Variants in FRMD3 observed in about 807,000 individuals in gnomAD.
FRMD3 encodes FERM domain containing 3.
A neutral mutation model predicts 70.2 loss-of-function variants in FRMD3; 33 were observed. The observed-to-expected ratio is 0.47, with a 90% confidence interval of 0.36 to 0.63. The LOEUF is 0.63. Ranked by LOEUF, FRMD3 falls within the 20% of genes least tolerant of loss-of-function variation. The pLI, the probability that FRMD3 is intolerant of heterozygous loss-of-function variation, is 0.00. For synonymous variants in FRMD3, 279 were observed against 255.9 expected (o/e 1.09, Z -0.86); for missense variants, 632 against 711.4 (o/e 0.89, Z 1.27).
intron 1 of FRMD3, among the ~76,000 whole-genome samples, chr9:83,414,646 GACAAACAACCCAATTT>G (rs1347903210): frequency 6.6e-6 from 1 of 152,154 alleles, no homozygotes; most frequent in South Asian, 2.1e-4. Flanking sequence ...TAAGCAGAAA[GACAAACAACCCAATTT>G]AAAAATGAGC....
At chr9:83,283,979 G>T (rs548271003) in intron 13 of FRMD3, among the ~76,000 whole-genome samples, 2 of 151,482 alleles carry the variant, frequency 1.3e-5, no homozygotes, top group Admixed American at 6.6e-5. Context: ...CTGGATAACT[G>T]CAACTGCATT....
chr9:83,351,671 A>ATGAT (rs1250788771), intron 3 of FRMD3, among the ~76,000 whole-genome samples: 5 of 141,892 alleles, frequency 3.5e-5, no homozygotes, highest in Admixed American at 7.2e-5. Context: ...AGGTAGATAG[A>ATGAT]TGATTGATAG....
chr9:83,353,086 A>G (rs1020471517), intron 3 of FRMD3, among the ~76,000 whole-genome samples: 2 of 152,126 alleles, frequency 1.3e-5, no homozygotes, highest in African/African-American at 4.8e-5. Context: ...TTCTACCATC[A>G]TATATGCCCT....
At position 83,248,239 on chromosome 9, in the gene FRMD3, G is replaced by A. The variant is rs369661439; in HGVS notation, c.1473C>T (p.Asn491=). ...DSFEDLEADE[N]AFLIAEEEEL... is the part of the protein sequence containing the mutation. ...CCTCTTCTTCAGCAATCAAAAAGGCGTTTTCATCTGCTTCCAGATCCTCAA... is the reference window on the plus strand; with the variant it reads ...CCTCTTCTTCAGCAATCAAAAAGGCATTTTCATCTGCTTCCAGATCCTCAA... The change falls in exon 14 of 14, where the codon AAC becomes AAT. Residue 491 remains asparagine, a synonymous_variant. Transcript: ENST00000304195. 2.4e-5 allele frequency: 39 copies of A among 1,614,022 alleles called. No individual in the cohort carries two copies. Among genetic ancestry groups the A allele is most frequent in the East Asian group, 1.6e-4 (7 of 44,890 alleles).
chr9:83,528,779 C>T (rs572784907), intron 1 of FRMD3, among the ~76,000 whole-genome samples: 23 of 152,142 alleles, frequency 1.5e-4, no homozygotes, highest in South Asian at 6.2e-4. Flanking sequence ...CTGCTCACTT[C>T]GGCCTCCCAA....
intron 1 of FRMD3, chr9:83,467,834 G>A: frequency 1.4e-6 from 2 of 1,383,152 alleles, no homozygotes; most frequent in South Asian, 1.8e-5. Context: ...TTCTGTCACA[G>A]TAAATAGGTT....
Position 83,515,282 on chromosome 9 carries a change from T to C in FRMD3, c.147+22803A>G, listed in dbSNP as rs995441656. On this transcript the variant is annotated intron_variant, in intron 1 of 13. Transcript: ENST00000304195. The stretch of plus-strand genomic sequence containing the variant: ...AGTTTAGAGAATAACATAAATGACC[T>C]GATGGAGCTGAAAAACACAGCACGA... Among the ~76,000 whole-genome samples the C allele has an allele frequency of 3.3e-5, 5 of 152,226 alleles. No homozygotes were observed. In the South Asian group the frequency reaches 8.3e-4, roughly 25 times the overall value.
chr9:83,550,307 C>T, the FRMD3 span, among the ~76,000 whole-genome samples: 1 of 152,088 alleles, frequency 6.6e-6, no homozygotes, highest in South Asian at 2.1e-4. Context: ...TGGTCTATGT[C>T]CCTGTTTTTA....
rs544471645 is a variant in FRMD3, at chr9:83,423,640, A to T, written c.148-33932T>A. ...AGATGGAGTTTCGCTTGCATCGCTCAGGCTGGAGTGCAGTGGCGTGATCTC... is the reference window on the plus strand; with the variant it reads ...AGATGGAGTTTCGCTTGCATCGCTCTGGCTGGAGTGCAGTGGCGTGATCTC... On this transcript the variant is annotated intron_variant, in intron 1 of 13. Transcript: ENST00000304195. Among the ~76,000 whole-genome samples the T allele has an allele frequency of 1.0e-4, 12 of 115,788 alleles. No homozygotes were observed. In the South Asian group the frequency reaches 3.2e-3, roughly 31 times the overall value. The allele number at this position is 115,788 out of a possible 152,430, so 76.0% of individuals were successfully genotyped here.
intron 2 of FRMD3, among the ~76,000 whole-genome samples, chr9:83,383,131 G>C (rs1002118882): frequency 3.9e-5 from 6 of 152,164 alleles, no homozygotes; most frequent in African/African-American, 1.4e-4. Flanking sequence ...CCAGCCCTCT[G>C]CATCAAGGCA....
chr9:83,286,823 A>G (rs541583929), intron 13 of FRMD3, among the ~76,000 whole-genome samples: 84 of 152,330 alleles, frequency 5.5e-4, no homozygotes, highest in African/African-American at 1.9e-3. Context: ...GAGAAGCAAC[A>G]GTATTATGTA....
chr9:83,576,415 A>T, the FRMD3 span, among the ~76,000 whole-genome samples: 1 of 152,142 alleles, frequency 6.6e-6, no homozygotes, highest in Non-Finnish European at 1.5e-5. Flanking sequence ...AGTATCTACA[A>T]GAAAGCCCAC....
chr9:83,504,362 CT>C (rs1229657884), intron 1 of FRMD3, among the ~76,000 whole-genome samples: 3 of 152,154 alleles, frequency 2.0e-5, no homozygotes, highest in Admixed American at 6.5e-5. Context: ...GCATGATCCT[CT>C]TTAAAAACAC....
intron 1 of FRMD3, among the ~76,000 whole-genome samples, chr9:83,488,993 T>TC (rs1828751165): frequency 8.9e-6 from 1 of 112,802 alleles, no homozygotes; most frequent in African/African-American, 3.5e-5. Flanking sequence ...TGTGTGTGTG[T>TC]GTGTGTGTGT....
chr9:83,490,001 C>T (rs1474964137), intron 1 of FRMD3, among the ~76,000 whole-genome samples: 2 of 152,146 alleles, frequency 1.3e-5, no homozygotes, highest in Non-Finnish European at 2.9e-5. Flanking sequence ...TGTGTGTTTC[C>T]TGCCCTAGAG....
intron 1 of FRMD3, among the ~76,000 whole-genome samples, chr9:83,471,894 A>G (rs957580344): frequency 5.3e-5 from 8 of 152,188 alleles, no homozygotes; most frequent in Admixed American, 1.3e-4. Context: ...TGGGCCTGTC[A>G]TTTCCTAACT....
At chr9:83,434,716 GTGT>G (rs1454894472) in intron 1 of FRMD3, among the ~76,000 whole-genome samples, 1 of 151,730 alleles carries the variant, frequency 6.6e-6, no homozygotes, top group Non-Finnish European at 1.5e-5. Flanking sequence ...GAGAAAAGAA[GTGT>G]TGTAACATGA....
intron 6 of FRMD3, among the ~76,000 whole-genome samples, chr9:83,327,570 G>A (rs1836070677): frequency 6.6e-6 from 1 of 152,206 alleles, no homozygotes; most frequent in Non-Finnish European, 1.5e-5. Flanking sequence ...GGTCTGGAGT[G>A]CCTCTAGGGG....
chr9:83,443,004 C>T (rs569465148), intron 1 of FRMD3, among the ~76,000 whole-genome samples: 1 of 152,212 alleles, frequency 6.6e-6, no homozygotes, highest in South Asian at 2.1e-4. Context: ...CATAAAAATA[C>T]ATATGGCCTT....
Sources: allele counts gnomAD v4.1 joint callset (sites outside exome capture counted in the v4.1 genomes callset), GRCh38; gene constraint gnomAD v4.1.1; transcripts MANE v1.5; gene names NCBI Gene and HGNC (gene_info 2026-07-23, HGNC 2026-07-21).